Variants in CA10 observed in about 807,000 individuals in gnomAD.
The protein encoded by CA10 is carbonic anhydrase 10 (inactive).
CA10 carries 14 observed loss-of-function variants against 44.2 expected under a neutral mutation model. The observed-to-expected ratio is 0.32, with a 90% CI of 0.21 to 0.50. CA10 has a LOEUF of 0.50. Among genes scored for constraint, CA10 ranks in the 20% least tolerant of loss-of-function variants. CA10 has a pLI of 0.99. For synonymous variants in CA10, 159 were observed against 141.6 expected, an observed-to-expected ratio of 1.12 and a Z score of -0.87; for missense variants, 350 against 409.7, an observed-to-expected ratio of 0.85 and a Z score of 1.26.
chr17:51,884,137 T>C (rs1324781364), intron 3 of CA10, among the ~76,000 whole-genome samples: 1 of 152,156 alleles, frequency 6.6e-6, no homozygotes, highest in Non-Finnish European at 1.5e-5. Flanking sequence ...TCTCACTAGC[T>C]CTTCTGTTGC....
chr17:51,723,123 C>T (rs1468070726), intron 4 of CA10, among the ~76,000 whole-genome samples: 4 of 152,196 alleles, frequency 2.6e-5, no homozygotes, highest in Non-Finnish European at 5.9e-5. Context: ...ATGCTGCCTG[C>T]TTCCCATGTG....
At chr17:51,848,979 G>A (rs540215647) in intron 3 of CA10, among the ~76,000 whole-genome samples, 5 of 151,734 alleles carry the variant, frequency 3.3e-5, no homozygotes, top group Admixed American at 2.0e-4. Flanking sequence ...CCAGGAGGCC[G>A]AGGATGCAGT....
At chr17:51,944,371 C>T (rs942380630) in intron 2 of CA10, among the ~76,000 whole-genome samples, 1 of 152,140 alleles carries the variant, frequency 6.6e-6, no homozygotes, top group African/African-American at 2.4e-5. Flanking sequence ...CAGACCCTGC[C>T]CCTCAATGGC....
At chr17:51,707,038 A>C (rs190814254) in intron 4 of CA10, among the ~76,000 whole-genome samples, 200 of 152,194 alleles carry the variant, frequency 1.3e-3, no homozygotes, top group African/African-American at 4.7e-3. Flanking sequence ...ATATTTGTCT[A>C]TTATCTGTCT....
At position 51,633,579 on chromosome 17, in the gene CA10, C is replaced by A; in HGVS notation, c.861G>T (p.Arg287Ser). 1 of 1,613,886 alleles carries A rather than the reference C, an allele frequency of 6.2e-7. No homozygotes were observed. Among genetic ancestry groups the A allele is most frequent in the Non-Finnish European group, 8.5e-7 (1 of 1,179,892 alleles). ...QIFLSMSDNF[R>S]PVQPLNNRCI... ...AGCGGTTGTTGAGTGGCTGGACAGGCCTGAAGTTGTCACTCATGCTCAGAA... is the reference window on the plus strand; with the variant it reads ...AGCGGTTGTTGAGTGGCTGGACAGGACTGAAGTTGTCACTCATGCTCAGAA... The change falls in exon 8 of 9, where the codon AGG (arginine) becomes AGT (serine). Residue 287 changes from arginine (R) to serine (S), a missense_variant. Physicochemically the swap from Arg to Ser is moderately radical, Grantham distance 110. Transcript: ENST00000451037.
intron 4 of CA10, among the ~76,000 whole-genome samples, chr17:51,656,378 G>C (rs1913793592): frequency 6.6e-6 from 1 of 152,212 alleles, no homozygotes. Flanking sequence ...GTACAGGGCT[G>C]AGGCTGTGCT....
At chr17:52,042,185 T>C (rs905849603) in intron 2 of CA10, among the ~76,000 whole-genome samples, 14 of 152,186 alleles carry the variant, frequency 9.2e-5, no homozygotes, top group Admixed American at 7.2e-4. Context: ...GTTTCCATAC[T>C]GGCTGTACCA....
rs144171943 is a variant in CA10, at chr17:51,931,003, G to A, written c.266C>T (p.Thr89Met). ...ATGGTGGCTTACCTTCCTGCCCCCC[G>A]TGTTGATGCGAAGAGGTGTCAGAAA... ...DPFLTPLRINTGGRKVSGTMY... is the reference protein window; with the variant it reads ...DPFLTPLRINMGGRKVSGTMY... The change falls in exon 3 of 9, where the codon ACG becomes ATG. Residue 89 changes from threonine (T) to methionine (M), a missense_variant. Physicochemically the swap from Thr to Met is moderately conservative, Grantham distance 81. Transcript: ENST00000451037. The A allele has an allele frequency of 2.5e-5, 40 of 1,613,058 alleles. No homozygotes were observed. The highest frequency in any genetic ancestry group is 5.0e-5 in the Admixed American group (3 of 59,948).
intron 2 of CA10, among the ~76,000 whole-genome samples, chr17:51,965,652 T>G (rs558173152): frequency 9.2e-5 from 14 of 152,086 alleles, no homozygotes; most frequent in South Asian, 4.1e-4. Context: ...TTTATAAAAT[T>G]CAGCATCTCT....
intron 4 of CA10, among the ~76,000 whole-genome samples, chr17:51,712,524 C>T (rs1403785342): frequency 2.0e-5 from 3 of 152,104 alleles, no homozygotes; most frequent in African/African-American, 7.2e-5. Context: ...GGATTAGAAG[C>T]CTCTGATAAT....
At chr17:51,828,621 C>A (rs1908120677) in intron 3 of CA10, among the ~76,000 whole-genome samples, 1 of 152,130 alleles carries the variant, frequency 6.6e-6, no homozygotes, top group Admixed American at 6.5e-5. Flanking sequence ...TTTAGACTAC[C>A]TCCCAGTAAA....
At chr17:51,974,083 T>C (rs1189482810) in intron 2 of CA10, among the ~76,000 whole-genome samples, 1 of 152,100 alleles carries the variant, frequency 6.6e-6, no homozygotes, top group Non-Finnish European at 1.5e-5. Flanking sequence ...AACTACAAGA[T>C]AAATTTTTAA....
At chr17:51,888,181 A>T (rs534718954) in intron 3 of CA10, among the ~76,000 whole-genome samples, 183 of 152,080 alleles carry the variant, frequency 1.2e-3, no homozygotes, top group Middle Eastern at 3.4e-3. Context: ...ATTGATTTTT[A>T]AAAAAAAGGA....
At chr17:52,042,761 T>A (rs1297393431) in intron 2 of CA10, among the ~76,000 whole-genome samples, 1 of 152,048 alleles carries the variant, frequency 6.6e-6, no homozygotes, top group Non-Finnish European at 1.5e-5. Context: ...TCATTTCAAC[T>A]TTTTTTATGT....
intron 3 of CA10, among the ~76,000 whole-genome samples, chr17:51,769,837 T>A (rs76498743): frequency 0.024 from 3,599 of 152,204 alleles, 109 homozygotes; most frequent in African/African-American, 0.068. Flanking sequence ...TGGTTGATGA[T>A]GGGAGGGCAG....
intron 4 of CA10, among the ~76,000 whole-genome samples, chr17:51,682,620 C>T (rs1452915800): frequency 6.6e-6 from 1 of 152,172 alleles, no homozygotes; most frequent in Non-Finnish European, 1.5e-5. Context: ...TCTTAAGCGA[C>T]CATTTACTGC....
At chr17:51,792,360 C>G (rs1331714041) in intron 3 of CA10, among the ~76,000 whole-genome samples, 1 of 152,194 alleles carries the variant, frequency 6.6e-6, no homozygotes, top group Non-Finnish European at 1.5e-5. Context: ...GATAAACTCA[C>G]TTGCAAATAG....
chr17:51,697,505 G>A (rs924808542), intron 4 of CA10, among the ~76,000 whole-genome samples: 2 of 152,112 alleles, frequency 1.3e-5, no homozygotes, highest in African/African-American at 4.8e-5. Context: ...TGACTCTTCT[G>A]ATTAGTTCTG....
chr17:52,130,650 C>T (rs1467115276), intron 1 of CA10, among the ~76,000 whole-genome samples: 2 of 152,052 alleles, frequency 1.3e-5, no homozygotes, highest in African/African-American at 2.4e-5. Context: ...CTAGATGGTG[C>T]AGGGTTGGGG....
Sources: gnomAD v4.1 joint callset for allele counts (sites outside exome capture counted in the v4.1 genomes callset) on GRCh38, gnomAD v4.1.1 for gene constraint, MANE v1.5 for transcripts, NCBI Gene and HGNC (gene_info 2026-07-23, HGNC 2026-07-21) for gene names.